The following BLOC1S3 variants were observed in gnomAD, a reference collection of about 807,000 sequenced individuals.
BLOC1S3 encodes biogenesis of lysosome-related organelles complex 1 subunit 3.
BLOC1S3 carries 7 observed loss-of-function variants against 9.1 expected under a neutral mutation model. The ratio of observed to expected loss-of-function variants is 0.77; its 90% CI spans 0.44 to 1.45. The LOEUF is 1.45. Among genes scored for constraint, BLOC1S3 ranks in the 40% most tolerant of loss-of-function variants. The pLI is 0.01. For missense variants in BLOC1S3, 307 were observed against 315.2 expected (o/e 0.97, Z 0.20); for synonymous variants, 145 against 158.4 (o/e 0.92, Z 0.64).
At chr19:45,208,776 A>C (rs1417591212) in intron 3 of BLOC1S3, among the ~76,000 whole-genome samples, 1 of 151,832 alleles carries the variant, frequency 6.6e-6, no homozygotes, top group Non-Finnish European at 1.5e-5. Context: ...AAAAAAGCCC[A>C]CAAGTATTTG....
downstream of BLOC1S3, among the ~76,000 whole-genome samples, chr19:45,184,830 G>T (rs1969553766): frequency 6.6e-6 from 1 of 150,778 alleles, no homozygotes; most frequent in Admixed American, 6.7e-5. Flanking sequence ...AACCCGGGAG[G>T]TGGAGCGTGC....
chr19:45,178,943 C>G (rs1969460325), intron 1 of BLOC1S3, 112 bp downstream of exon 1: 1 of 228,438 alleles, frequency 4.4e-6, no homozygotes, highest in African/African-American at 2.3e-5. Context: ...AGCTCACGGG[C>G]CCGTGTGCTT....
At chr19:45,210,749 G>A (rs1969763325) in intron 3 of BLOC1S3, among the ~76,000 whole-genome samples, 1 of 152,166 alleles carries the variant, frequency 6.6e-6, no homozygotes, top group African/African-American at 2.4e-5. Context: ...GTGAGCCACT[G>A]TGCCCAGCCA....
At chr19:45,195,818 C>T (rs531388354) in intron 2 of BLOC1S3, among the ~76,000 whole-genome samples, 2 of 152,168 alleles carry the variant, frequency 1.3e-5, no homozygotes, top group African/African-American at 2.4e-5. Flanking sequence ...TGGTCTCGAC[C>T]TCCCAACTTC....
At chr19:45,200,086 G>A (rs2122924413) in intron 2 of BLOC1S3, among the ~76,000 whole-genome samples, 1 of 152,034 alleles carries the variant, frequency 6.6e-6, no homozygotes, top group South Asian at 2.1e-4. Context: ...TTTTCAAATA[G>A]CCTGTCTTTG....
intron 3 of BLOC1S3, chr19:45,212,943 A>G (rs1323471914): frequency 8.1e-6 from 9 of 1,116,300 alleles, no homozygotes; most frequent in Non-Finnish European, 1.1e-5. Context: ...GGGTGAAAAG[A>G]CATCTAAGGG....
chr19:45,187,858 A>T (rs1459557824), intron 2 of BLOC1S3: 2 of 151,902 alleles, frequency 1.3e-5, no homozygotes, highest in Non-Finnish European at 2.9e-5. Flanking sequence ...CCTCCCGTGC[A>T]CTTTATTTTT....
chr19:45,211,374 G>T (rs936859583), intron 3 of BLOC1S3, among the ~76,000 whole-genome samples: 1 of 151,768 alleles, frequency 6.6e-6, no homozygotes, highest in Admixed American at 6.6e-5. Context: ...GTGGTGGAGG[G>T]GGGGCACCTG....
chr19:45,216,261 T>G, intron 3 of BLOC1S3: 1 of 1,574,058 alleles, frequency 6.4e-7, no homozygotes, highest in African/African-American at 1.3e-5. Flanking sequence ...CTGCCCCTCC[T>G]GGCTTGTTAT....
chr19:45,206,191 A>AAT (rs1555754591), intron 3 of BLOC1S3, among the ~76,000 whole-genome samples: 2 of 151,848 alleles, frequency 1.3e-5, no homozygotes, highest in South Asian at 2.1e-4. Context: ...CTAGTAAAAA[A>AAT]ATATATATAC....
intron 2 of BLOC1S3, among the ~76,000 whole-genome samples, chr19:45,194,016 G>T (rs1191110600): frequency 7.3e-6 from 1 of 137,356 alleles, no homozygotes; most frequent in African/African-American, 2.7e-5. Flanking sequence ...TGTTAGCCAG[G>T]ATGGTCTCGA....
At chr19:45,213,976 C>T (rs1969806903) in intron 3 of BLOC1S3, among the ~76,000 whole-genome samples, 1 of 151,646 alleles carries the variant, frequency 6.6e-6, no homozygotes, top group African/African-American at 2.4e-5. Context: ...AAGAAAGAAA[C>T]CTTGTACCCC....
chr19:45,184,142 T>TG (rs1234400823), downstream of BLOC1S3, among the ~76,000 whole-genome samples: 2 of 152,162 alleles, frequency 1.3e-5, no homozygotes, highest in Admixed American at 6.5e-5. Flanking sequence ...TTTCTTTCGG[T>TG]GGGGTCTCAC....
chr19:45,201,205 A>G (rs944237201), intron 2 of BLOC1S3, among the ~76,000 whole-genome samples: 2 of 148,870 alleles, frequency 1.3e-5, no homozygotes, highest in Non-Finnish European at 3.0e-5. Context: ...CCTGTCTCAA[A>G]AAAAAAAAAA....
intron 3 of BLOC1S3, among the ~76,000 whole-genome samples, chr19:45,205,731 C>T (rs1198889864): frequency 1.3e-5 from 2 of 152,008 alleles, no homozygotes; most frequent in Non-Finnish European, 2.9e-5. Flanking sequence ...AAAATATTTG[C>T]AAATTACATA....
chr19:45,184,961 C>T (rs930367612), downstream of BLOC1S3, among the ~76,000 whole-genome samples: 12 of 145,142 alleles, frequency 8.3e-5, no homozygotes, highest in African/African-American at 2.6e-4. Flanking sequence ...AAGGAGGGAC[C>T]GACTGGGGAA....
Position 45,179,993 on chromosome 19 carries a change from A to AC in BLOC1S3, c.*94dup, listed in dbSNP as rs1238085424. On this transcript the variant is annotated 3_prime_UTR_variant, in exon 2 of 2. Transcript: ENST00000433642. This position sits in a 1 kb window ranked among gnomAD's most constrained non-coding sequence, Gnocchi z 4.6. The stretch of plus-strand genomic sequence containing the variant: ...GACTCTGTCTCCTGTGTCTCTTATC[A>AC]CCCCCCACCCCCGCTCCCATCTTGG... 15 of 1,439,482 alleles carry AC rather than the reference A, an allele frequency of 1.0e-5. No individual in the cohort carries two copies. The highest frequency in any genetic ancestry group is 1.8e-4 in the Middle Eastern group (1 of 5,506). The allele number at this position is 1,439,482 out of a possible 1,614,324, so 89.2% of individuals were successfully genotyped here.
At chr19:45,211,929 G>A (rs1427079906) in intron 3 of BLOC1S3, among the ~76,000 whole-genome samples, 1 of 152,200 alleles carries the variant, frequency 6.6e-6, no homozygotes, top group Admixed American at 6.5e-5. Context: ...GTGGGGACTA[G>A]GATCCGGCGG....
chr19:45,204,046 G>A (rs954422867), intron 3 of BLOC1S3, among the ~76,000 whole-genome samples: 14 of 151,678 alleles, frequency 9.2e-5, no homozygotes, highest in African/African-American at 3.2e-4. Context: ...TCACTATGTC[G>A]CCCAGGTTGG....
Sources: allele counts gnomAD v4.1 joint callset (sites outside exome capture counted in the v4.1 genomes callset), GRCh38; gene constraint gnomAD v4.1.1; non-coding constraint Gnocchi (gnomAD v3.1); transcripts MANE v1.5; gene names NCBI Gene and HGNC (gene_info 2026-07-23, HGNC 2026-07-21).